Variants in CD55 observed in about 807,000 individuals in gnomAD.
CD55 encodes the protein complement decay-accelerating factor.
In CD55, 41 loss-of-function variants were observed where a neutral mutation model predicts 45.8. That is an observed-to-expected ratio of 0.90 (90% CI 0.70 to 1.16). The LOEUF (loss-of-function observed/expected upper bound fraction) is 1.16. CD55 is among the 50% of genes most tolerant of loss of function. The pLI, the probability that CD55 is intolerant of heterozygous loss-of-function variation, is 0.00. For synonymous variants in CD55, 181 were observed against 181.1 expected, an observed-to-expected ratio of 1.00 and a Z score of 0.01; for missense variants, 416 against 469.8, an observed-to-expected ratio of 0.89 and a Z score of 1.06.
intron 9 of CD55, among the ~76,000 whole-genome samples, chr1:207,359,213 TTTTA>T (rs1364385245): frequency 1.3e-5 from 2 of 152,014 alleles, no homozygotes; most frequent in African/African-American, 2.4e-5. Flanking sequence ...ATTCAGGGGT[TTTTA>T]TTTATTTTTA....
At chr1:207,351,164 A>C (rs999511345) in intron 9 of CD55, among the ~76,000 whole-genome samples, 12 of 152,086 alleles carry the variant, frequency 7.9e-5, no homozygotes, top group African/African-American at 2.7e-4. Context: ...GTTTTAAGAG[A>C]TCTTCCTGGT....
chr1:207,327,125 C>T (rs1654721338), intron 5 of CD55, among the ~76,000 whole-genome samples: 1 of 152,150 alleles, frequency 6.6e-6, no homozygotes, highest in Non-Finnish European at 1.5e-5. Flanking sequence ...CTAACCATTA[C>T]TTCTAAAGTC....
chr1:207,346,302 T>A (rs933246648), intron 9 of CD55, among the ~76,000 whole-genome samples: 1 of 152,106 alleles, frequency 6.6e-6, no homozygotes, highest in Non-Finnish European at 1.5e-5. Context: ...TCAGCTGCTA[T>A]TGGTGGTGGA....
At position 207,336,773 on chromosome 1, in the gene CD55, A is replaced by G. The variant is rs768930922; in HGVS notation, c.934A>G (p.Thr312Ala). Residue 312 changes from threonine to alanine, a missense_variant, in exon 7 of 10, where the codon ACT becomes GCT. Physicochemically the swap from Thr to Ala is moderately conservative, Grantham distance 58. Coordinates refer to ENST00000367064, the MANE Select transcript of CD55 (RefSeq NM_000574.5). ...VNVPTTEVSP[T>A]SQKTTTKTTT... ...TGTTCCAACTACAGAAGTCTCACCAACTTCTCAGAAAACCACCACAAAAAC... is the reference window on the plus strand; with the variant it reads ...TGTTCCAACTACAGAAGTCTCACCAGCTTCTCAGAAAACCACCACAAAAAC... 4 of 1,613,866 alleles carry G rather than the reference A, an allele frequency of 2.5e-6. No individual in the cohort carries two copies. Among genetic ancestry groups the G allele is most frequent in the African/African-American group, 1.3e-5 (1 of 74,902 alleles).
In CD55 at chr1:207,355,874, TAAG is replaced by T. The variant is rs58665416; in HGVS notation, c.1082-3668_1082-3666del. ...TCGAGCATGATTGGGTTGAAACACT[TAAG>T]AAGCCTCTCAAACCTGTCAAAAAAT... On this transcript the variant is annotated intron_variant, in intron 9 of 9. Coordinates refer to ENST00000367064, the MANE Select transcript of CD55 (RefSeq NM_000574.5). 4.3e-3 allele frequency among the ~76,000 whole-genome samples: 660 copies of T among 152,306 alleles called. 6 individuals carry two copies. The highest frequency in any genetic ancestry group is 0.015 in the African/African-American group (607 of 41,574).
chr1:207,335,942 G>A (rs28371666), intron 6 of CD55, among the ~76,000 whole-genome samples: 1,865 of 152,202 alleles, frequency 0.012, 16 homozygotes, highest in Non-Finnish European at 0.018. Flanking sequence ...AGCTTAGAAG[G>A]GTTAGGGACT....
chr1:207,338,991 T>G (rs1655301191), intron 8 of CD55, among the ~76,000 whole-genome samples: 1 of 152,214 alleles, frequency 6.6e-6, no homozygotes, highest in Non-Finnish European at 1.5e-5. Context: ...ATGGCATTTT[T>G]GAGTTTTGAT....
At chr1:207,354,439 C>A (rs1656003264) in intron 9 of CD55, among the ~76,000 whole-genome samples, 1 of 152,168 alleles carries the variant, frequency 6.6e-6, no homozygotes, top group South Asian at 2.1e-4. Context: ...AACTGCTTTG[C>A]AATGTTTTCA....
At chr1:207,357,575 G>A (rs1015680498) in intron 9 of CD55, among the ~76,000 whole-genome samples, 4 of 150,054 alleles carry the variant, frequency 2.7e-5, no homozygotes, top group East Asian at 2.0e-4. Context: ...GGGGGAGGGC[G>A]GAGGGCGGGC....
chr1:207,348,671 T>C (rs1054109061), intron 9 of CD55, among the ~76,000 whole-genome samples: 1 of 152,212 alleles, frequency 6.6e-6, no homozygotes, highest in Admixed American at 6.5e-5. Flanking sequence ...TGGTATTTCC[T>C]AGGTTTTCTT....
intron 6 of CD55, among the ~76,000 whole-genome samples, chr1:207,332,860 G>A (rs1162711904): frequency 1.3e-5 from 2 of 152,154 alleles, no homozygotes; most frequent in African/African-American, 4.8e-5. Flanking sequence ...GGCAGGTGGT[G>A]AAGGCAACCC....
intron 6 of CD55, among the ~76,000 whole-genome samples, chr1:207,332,479 A>AT (rs915855417): frequency 6.6e-5 from 10 of 152,184 alleles, no homozygotes; most frequent in Admixed American, 1.3e-4. Flanking sequence ...GACTGTACCA[A>AT]TTTAGTCTCC....
intron 5 of CD55, 136 bp from the exon 6 acceptor site, chr1:207,330,972 C>G: frequency 1.5e-6 from 1 of 683,742 alleles, no homozygotes; most frequent in Non-Finnish European, 2.4e-6. Context: ...ATAAGCATCT[C>G]TTGTTGGTAA....
At chr1:207,330,702 A>G (rs957477229) in intron 5 of CD55, among the ~76,000 whole-genome samples, 1 of 152,224 alleles carries the variant, frequency 6.6e-6, no homozygotes, top group Non-Finnish European at 1.5e-5. Flanking sequence ...TCTCAAAAGC[A>G]TGGTACATAT....
At chr1:207,359,405 A>AT in intron 9 of CD55, 141 bp from the exon 10 acceptor site, 1 of 729,482 alleles carries the variant, frequency 1.4e-6, no homozygotes, top group Non-Finnish European at 2.1e-6. Flanking sequence ...TCTATTACTC[A>AT]TTATTTTTTT....
At chr1:207,323,696 G>A (rs1396932390) in intron 2 of CD55, among the ~76,000 whole-genome samples, 1 of 152,202 alleles carries the variant, frequency 6.6e-6, no homozygotes, top group African/African-American at 2.4e-5. Flanking sequence ...GAAGCCATGC[G>A]TGAAATAGGC....
At chr1:207,343,034 G>T (rs1655492657) in intron 9 of CD55, among the ~76,000 whole-genome samples, 1 of 152,028 alleles carries the variant, frequency 6.6e-6, no homozygotes. Flanking sequence ...GGTATCAGTT[G>T]TAATGTCTCT....
At chr1:207,328,136 C>G (rs1390451161) in intron 5 of CD55, among the ~76,000 whole-genome samples, 1 of 152,174 alleles carries the variant, frequency 6.6e-6, no homozygotes, top group Non-Finnish European at 1.5e-5. Flanking sequence ...TTCCTGCTTG[C>G]ACATCTAGGC....
chr1:207,342,024 C>T (rs1209510738), intron 9 of CD55, among the ~76,000 whole-genome samples: 3 of 151,848 alleles, frequency 2.0e-5, no homozygotes, highest in Non-Finnish European at 2.9e-5. Flanking sequence ...GAATTGCCTT[C>T]TTGATTTCTT....
Sources: allele counts gnomAD v4.1 joint callset (sites outside exome capture counted in the v4.1 genomes callset), GRCh38; gene constraint gnomAD v4.1.1; transcripts MANE v1.5; gene names NCBI Gene and HGNC (gene_info 2026-07-23, HGNC 2026-07-21).